MALRD1: variants seen among roughly 807,000 people sequenced by gnomAD.
MALRD1 encodes the protein MAM and LDL-receptor class A domain-containing protein 1.
Under a neutral mutation model 242.1 loss-of-function variants are expected in MALRD1, and 247 were observed. The ratio of observed to expected loss-of-function variants is 1.02; its 90% CI spans 0.92 to 1.13. MALRD1 has a LOEUF of 1.13. Ranked by LOEUF, MALRD1 falls within the 50% of genes most tolerant of loss-of-function variation. The probability of loss-of-function intolerance (pLI) is 0.00; values close to 1 mark genes in which losing one functional copy is unlikely to be tolerated. For missense variants in MALRD1, 2,989 were observed against 2,533.1 expected (o/e 1.18, Z -3.86); for synonymous variants, 995 against 866.6 (o/e 1.15, Z -2.60).
At chr10:19,318,353 G>C (rs955884805) in intron 21 of MALRD1, among the ~76,000 whole-genome samples, 7 of 151,590 alleles carry the variant, frequency 4.6e-5, no homozygotes, top group Non-Finnish European at 8.8e-5. Flanking sequence ...TTGATCTCCT[G>C]ACATATCTCC....
intron 21 of MALRD1, among the ~76,000 whole-genome samples, chr10:19,291,813 CA>C (rs1234172067): frequency 2.6e-5 from 4 of 151,820 alleles, no homozygotes; most frequent in Non-Finnish European, 5.9e-5. Flanking sequence ...GGGCCAGGTG[CA>C]GTGCTTCAAC....
At chr10:19,273,234 A>G (rs1206341581) in intron 19 of MALRD1, among the ~76,000 whole-genome samples, 1 of 152,208 alleles carries the variant, frequency 6.6e-6, no homozygotes, top group Non-Finnish European at 1.5e-5. Flanking sequence ...ACAAATTAAA[A>G]TGTCAAATGT....
intron 20 of MALRD1, 61 bp downstream of exon 20, chr10:19,280,284 C>T: frequency 7.8e-7 from 1 of 1,286,902 alleles, no homozygotes; most frequent in South Asian, 1.7e-5. Flanking sequence ...CAAGTGTAAT[C>T]TCTAAGTAGC....
Position 19,324,075 on chromosome 10 carries a change from T to C in MALRD1, c.3546T>C (p.His1182=), listed in dbSNP as rs764899181. The C allele has an allele frequency of 4.6e-5, 72 of 1,550,300 alleles. No homozygotes were observed. Among genetic ancestry groups the C allele is most frequent in the African/African-American group, 1.5e-4 (11 of 73,024 alleles). Residue 1182 remains histidine (H), a synonymous_variant, in exon 22 of 40, where the codon CAT becomes CAC. Coordinates refer to ENST00000454679, the MANE Select transcript of MALRD1 (RefSeq NM_001142308.3). ...AATGTACCTTGGTGTTCTGGACACA[T>C]ATGAATGGGGCCACCGTTGGTTCTC... ...GPKCTLVFWT[H]MNGATVGSLQ...
At chr10:19,576,117 G>A (rs1005048261) in intron 33 of MALRD1, among the ~76,000 whole-genome samples, 2 of 152,246 alleles carry the variant, frequency 1.3e-5, no homozygotes, top group Non-Finnish European at 2.9e-5. Flanking sequence ...TGAGCAGGAA[G>A]CAAGTGAGGT....
chr10:19,287,227 C>A (rs1024164954), intron 21 of MALRD1, among the ~76,000 whole-genome samples: 4 of 152,002 alleles, frequency 2.6e-5, no homozygotes, highest in African/African-American at 4.8e-5. Context: ...TAAGATCATT[C>A]CTCTATACTT....
intron 29 of MALRD1, among the ~76,000 whole-genome samples, chr10:19,463,635 T>C (rs1836063632): frequency 6.6e-6 from 1 of 151,882 alleles, no homozygotes; most frequent in African/African-American, 2.4e-5. Context: ...GGGCATTTGG[T>C]TACATATTTT....
chr10:19,229,186 G>A (rs1837937537), intron 18 of MALRD1, among the ~76,000 whole-genome samples: 1 of 152,092 alleles, frequency 6.6e-6, no homozygotes, highest in African/African-American at 2.4e-5. Flanking sequence ...CATGAATCGA[G>A]CATCTTTAAC....
chr10:19,348,096 A>G (rs1844212342), intron 25 of MALRD1, 78 bp downstream of exon 25: 22 of 1,468,738 alleles, frequency 1.5e-5, no homozygotes, highest in Non-Finnish European at 1.8e-5. Flanking sequence ...CATACGGAAA[A>G]CAGAGTGGCT....
intron 32 of MALRD1, among the ~76,000 whole-genome samples, chr10:19,540,468 G>A (rs4381258): frequency 6.6e-6 from 1 of 152,038 alleles, no homozygotes; most frequent in Non-Finnish European, 1.5e-5. Flanking sequence ...ATATGAATAA[G>A]GAACCAATGA....
chr10:19,393,665 C>T (rs1846444330), intron 28 of MALRD1, among the ~76,000 whole-genome samples: 2 of 149,782 alleles, frequency 1.3e-5, no homozygotes, highest in South Asian at 4.2e-4. Flanking sequence ...ACCATGTTAG[C>T]CAGGATGGTC....
At chr10:19,734,037 C>G (rs751501286) in intron 39 of MALRD1, 120 bp from the exon 40 acceptor site, 8 of 697,568 alleles carry the variant, frequency 1.1e-5, no homozygotes, top group Admixed American at 1.1e-4. Context: ...CAGGGATGTT[C>G]TAGTTATTAC....
intron 4 of MALRD1, among the ~76,000 whole-genome samples, chr10:19,100,484 AG>A (rs1836211519): frequency 6.6e-6 from 1 of 152,164 alleles, no homozygotes; most frequent in African/African-American, 2.4e-5. Flanking sequence ...TAAGAATGAA[AG>A]GAAAATAGGG....
chr10:19,672,351 C>T (rs913172098), intron 36 of MALRD1, among the ~76,000 whole-genome samples: 1 of 150,272 alleles, frequency 6.7e-6, no homozygotes, highest in Non-Finnish European at 1.5e-5. Context: ...GATCAACTTT[C>T]AGGTTGATCT....
chr10:19,075,937 A>AG (rs1835303433), intron 2 of MALRD1, among the ~76,000 whole-genome samples: 1 of 152,004 alleles, frequency 6.6e-6, no homozygotes, highest in South Asian at 2.1e-4. Context: ...AATAACGAAC[A>AG]TTTGCAGTGA....
chr10:19,361,113 C>A (rs949926361), intron 26 of MALRD1, among the ~76,000 whole-genome samples: 4 of 151,686 alleles, frequency 2.6e-5, no homozygotes, highest in Non-Finnish European at 5.9e-5. Flanking sequence ...ACTCCCAATA[C>A]TTATATAGAT....
chr10:19,629,100 C>T (rs1839801837), intron 36 of MALRD1, among the ~76,000 whole-genome samples: 1 of 152,168 alleles, frequency 6.6e-6, no homozygotes, highest in African/African-American at 2.4e-5. Flanking sequence ...CACAGTGATA[C>T]CTAATTTCCC....
intron 21 of MALRD1, among the ~76,000 whole-genome samples, chr10:19,307,491 G>A (rs1842263798): frequency 6.6e-6 from 1 of 151,556 alleles, no homozygotes; most frequent in Admixed American, 6.6e-5. Context: ...GACACATTCA[G>A]TCATAAAATA....
intron 10 of MALRD1, among the ~76,000 whole-genome samples, chr10:19,144,916 T>C (rs1588610648): frequency 1.3e-5 from 2 of 152,354 alleles, no homozygotes; most frequent in East Asian, 1.9e-4. Context: ...TTATTAAAGA[T>C]GATAGCATGA....
Sources: allele counts gnomAD v4.1 joint callset (sites outside exome capture counted in the v4.1 genomes callset), GRCh38; gene constraint gnomAD v4.1.1; transcripts MANE v1.5; gene names NCBI Gene and HGNC (gene_info 2026-07-23, HGNC 2026-07-21).